SVEP1: variants seen among roughly 807,000 people sequenced by gnomAD.
SVEP1 encodes the protein sushi, von Willebrand factor type A, EGF and pentraxin domain containing 1.
Under a neutral mutation model 367.3 loss-of-function variants are expected in SVEP1, and 164 were observed. That is an observed-to-expected ratio of 0.45 (90% CI 0.39 to 0.51). The LOEUF is 0.51. SVEP1 is among the 20% of genes least tolerant of loss of function. SVEP1 has a pLI of 0.00. For synonymous variants in SVEP1, 1,666 were observed against 1,611.6 expected (o/e 1.03, Z -0.81); for missense variants, 4,117 against 4,425.3 (o/e 0.93, Z 1.98).
chr9:110,525,220 CA>C (rs1213148480), intron 3 of SVEP1, among the ~76,000 whole-genome samples: 1 of 151,948 alleles, frequency 6.6e-6, no homozygotes. Context: ...CTACCAAAAG[CA>C]AAAAACCAAA....
At chr9:110,543,800 A>G (rs1830184010) in intron 3 of SVEP1, among the ~76,000 whole-genome samples, 1 of 152,138 alleles carries the variant, frequency 6.6e-6, no homozygotes, top group Non-Finnish European at 1.5e-5. Flanking sequence ...TGGGGGAGTA[A>G]GGAATAGGGG....
At chr9:110,555,221 G>GAAAAA (rs778890052) in intron 1 of SVEP1, among the ~76,000 whole-genome samples, 2 of 132,298 alleles carry the variant, frequency 1.5e-5, no homozygotes, top group African/African-American at 5.5e-5. Context: ...GAGAAGTGGG[G>GAAAAA]AAAAAAAAAA....
intron 16 of SVEP1, among the ~76,000 whole-genome samples, chr9:110,470,982 A>G (rs1019276090): frequency 1.3e-4 from 20 of 152,000 alleles, no homozygotes; most frequent in Admixed American, 6.6e-4. Context: ...CTCTGGCTTC[A>G]GTTTTCTCAT....
At chr9:110,451,193 C>T in intron 23 of SVEP1, 96 bp downstream of exon 23, 2 of 981,156 alleles carry the variant, frequency 2.0e-6, no homozygotes, top group East Asian at 5.3e-5. Context: ...GTAATAAAAT[C>T]CAAAAATTCA....
intron 1 of SVEP1, among the ~76,000 whole-genome samples, chr9:110,560,758 C>G (rs1205457537): frequency 1.3e-5 from 2 of 152,146 alleles, no homozygotes; most frequent in African/African-American, 4.8e-5. Flanking sequence ...TCTGACCTAT[C>G]ACATTTAGTA....
intron 3 of SVEP1, among the ~76,000 whole-genome samples, chr9:110,539,255 G>A (rs1830115225): frequency 6.6e-6 from 1 of 152,086 alleles, no homozygotes; most frequent in South Asian, 2.1e-4. Flanking sequence ...TGATGGGAAA[G>A]GGAGCCAGAA....
chr9:110,390,016 T>C (rs1210939692), intron 40 of SVEP1, among the ~76,000 whole-genome samples: 1 of 109,420 alleles, frequency 9.1e-6, no homozygotes, highest in East Asian at 5.2e-4. Context: ...CACATAAGTG[T>C]GTGTGTGTGT....
In SVEP1 at chr9:110,498,523, T is replaced by C. The variant is rs140659560; in HGVS notation, c.1681+518A>G. On this transcript the variant is annotated intron_variant, in intron 7 of 47. Transcript: ENST00000374469. ...AGTTTGGTCTTTTAAATTACTAATA[T>C]AGTTTTCAACAGCATTCCTTCCATT... 4.7e-4 allele frequency among the ~76,000 whole-genome samples: 71 copies of C among 152,346 alleles called. 1 individual carries two copies. The East Asian group carries it at 0.013, about 28-fold the overall frequency.
At chr9:110,469,239 C>T in intron 16 of SVEP1, 138 bp from the exon 17 acceptor site, 1 of 780,852 alleles carries the variant, frequency 1.3e-6, no homozygotes, top group South Asian at 2.3e-5. Context: ...TGGCCAGAGG[C>T]TTATTCACAA....
chr9:110,432,088 C>A, intron 31 of SVEP1, 54 bp from the exon 32 acceptor site: 1 of 1,535,656 alleles, frequency 6.5e-7, no homozygotes, highest in South Asian at 1.3e-5. Flanking sequence ...CCGTATGTAT[C>A]AAACATCTGT....
intron 9 of SVEP1, among the ~76,000 whole-genome samples, chr9:110,489,131 G>C (rs958951474): frequency 1.3e-5 from 2 of 152,170 alleles, no homozygotes; most frequent in African/African-American, 4.8e-5. Context: ...TAAAGGGTTT[G>C]TAGGTTTCAA....
chr9:110,533,193 C>A (rs1260452874), intron 3 of SVEP1, among the ~76,000 whole-genome samples: 1 of 152,186 alleles, frequency 6.6e-6, no homozygotes, highest in Non-Finnish European at 1.5e-5. Context: ...CAGATCAGTA[C>A]CGGTCCATGG....
chr9:110,438,874 G>T (rs1828471308), intron 27 of SVEP1, among the ~76,000 whole-genome samples: 1 of 152,142 alleles, frequency 6.6e-6, no homozygotes, highest in South Asian at 2.1e-4. Flanking sequence ...TTGCCAATTT[G>T]ATATAAAGCA....
At chr9:110,549,710 T>C in intron 2 of SVEP1, 139 bp downstream of exon 2, 1 of 1,118,560 alleles carries the variant, frequency 8.9e-7, no homozygotes, top group Non-Finnish European at 1.3e-6. Flanking sequence ...CATTTCATGA[T>C]GCCCAAAGGA....
At chr9:110,536,185 C>T (rs1367168637) in intron 3 of SVEP1, among the ~76,000 whole-genome samples, 1 of 151,962 alleles carries the variant, frequency 6.6e-6, no homozygotes, top group Non-Finnish European at 1.5e-5. Flanking sequence ...TCATCAAAAG[C>T]CATTTCTGCA....
chr9:110,434,657 C>T (rs937110272), intron 29 of SVEP1, among the ~76,000 whole-genome samples, 151 bp from the exon 30 acceptor site: 1 of 13,076 alleles, frequency 7.6e-5, no homozygotes, highest in South Asian at 2.9e-3. Context: ...CACTGGCAAG[C>T]AAAATCACTA....
At chr9:110,451,552 C>T in intron 22 of SVEP1, 150 bp from the exon 23 acceptor site, 1 of 559,940 alleles carries the variant, frequency 1.8e-6, no homozygotes, top group South Asian at 3.1e-5. Flanking sequence ...TAAAATGTTT[C>T]TTCTATTCTG....
chr9:110,395,156 A>G (rs1037969022), intron 40 of SVEP1, among the ~76,000 whole-genome samples: 32 of 152,378 alleles, frequency 2.1e-4, no homozygotes, highest in African/African-American at 7.2e-4. Context: ...CTGATCTCTC[A>G]GCAGAAACTC....
intron 2 of SVEP1, among the ~76,000 whole-genome samples, chr9:110,548,225 T>C (rs182824797): frequency 4.9e-4 from 75 of 152,346 alleles, no homozygotes; most frequent in Non-Finnish European, 8.7e-4. Flanking sequence ...ATGTTTTAAA[T>C]ATCTTATTTA....
Sources: allele counts gnomAD v4.1 joint callset (sites outside exome capture counted in the v4.1 genomes callset), GRCh38; gene constraint gnomAD v4.1.1; transcripts MANE v1.5; gene names NCBI Gene and HGNC (gene_info 2026-07-23, HGNC 2026-07-21).